NR5A1: variants seen among roughly 807,000 people sequenced by gnomAD.
NR5A1 encodes the protein nuclear receptor subfamily 5 group A member 1.
NR5A1 carries 6 observed loss-of-function variants against 42.7 expected under a neutral mutation model. The observed-to-expected ratio is 0.14, with a 90% CI of 0.08 to 0.28. NR5A1 has a LOEUF of 0.28. Among genes scored for constraint, NR5A1 ranks in the 10% least tolerant of loss-of-function variants. NR5A1 has a pLI of 1.00. For synonymous variants in NR5A1, 274 were observed against 277.5 expected (o/e 0.99, Z 0.12); for missense variants, 442 against 626.4 (o/e 0.71, Z 3.14).
In NR5A1 at chr9:124,496,741, T is replaced by C. The variant is rs1415121842; in HGVS notation, c.870+3349A>G. On this transcript the variant is annotated intron_variant, in intron 4 of 6. Coordinates refer to ENST00000373588, the MANE Select transcript of NR5A1 (RefSeq NM_004959.5). The surrounding 1 kb of genome is among the most constrained non-coding windows in gnomAD (Gnocchi z 5.0). ...TGCCGCTTAAATGAAACCGTCTATCTGGGCAGTTAAATCTGCTGTCAGTGG... is the reference window on the plus strand; with the variant it reads ...TGCCGCTTAAATGAAACCGTCTATCCGGGCAGTTAAATCTGCTGTCAGTGG... Among the ~76,000 whole-genome samples, 4 of 152,230 alleles carry C rather than the reference T, an allele frequency of 2.6e-5. No homozygotes were observed. The highest frequency in any genetic ancestry group is 9.6e-5 in the African/African-American group (4 of 41,458).
rs554388634 is a variant in NR5A1 at position 124,488,417 on chromosome 9, C to T, written c.1138+2664G>A. On this transcript the variant is annotated intron_variant, in intron 6 of 6. Transcript: ENST00000373588. Reference sequence around the variant, plus strand: ...CTGGCACCCCCAACCTCACCAGGTTCCTGGCCTGCTGGGCTCAGGGCTCAC... The same window carrying T: ...CTGGCACCCCCAACCTCACCAGGTTTCTGGCCTGCTGGGCTCAGGGCTCAC... Among the ~76,000 whole-genome samples, 9 of 152,290 alleles carry T rather than the reference C, an allele frequency of 5.9e-5. No homozygotes were observed. In the South Asian group the frequency reaches 1.7e-3, roughly 28 times the overall value.
chr9:124,487,481 T>C (rs1832234109), intron 6 of NR5A1, among the ~76,000 whole-genome samples: 1 of 152,250 alleles, frequency 6.6e-6, no homozygotes, highest in Non-Finnish European at 1.5e-5. Flanking sequence ...GGGCCCATCT[T>C]CATAAATACC....
intron 5 of NR5A1, among the ~76,000 whole-genome samples, chr9:124,491,491 C>T (rs1832309155): frequency 6.6e-6 from 1 of 152,176 alleles, no homozygotes; most frequent in Non-Finnish European, 1.5e-5. Context: ...CCGCGTCCAC[C>T]CCTCCTTCAC....
rs531097844 is a variant in NR5A1, at chr9:124,495,171, C to T, written c.871-2022G>A. On this transcript the variant is annotated intron_variant, in intron 4 of 6. Transcript: ENST00000373588. ...TCCCAGCAAAGCTTTCTTCCCAGAG[C>T]CCCTACCATCAGCCGTGTGCCCCCA... Among the ~76,000 whole-genome samples the T allele has an allele frequency of 6.6e-4, 100 of 152,356 alleles. 1 individual carries two copies. The highest frequency in any genetic ancestry group is 2.4e-3 in the African/African-American group (98 of 41,586).
At chr9:124,491,030 C>T in intron 6 of NR5A1, 51 bp downstream of exon 6, 5 of 1,181,496 alleles carry the variant, frequency 4.2e-6, no homozygotes, top group African/African-American at 1.6e-5. Context: ...CACCCTCCCA[C>T]CCACCCGCCT....
intron 6 of NR5A1, among the ~76,000 whole-genome samples, chr9:124,485,752 C>A (rs1341885243): frequency 1.3e-5 from 2 of 152,214 alleles, no homozygotes; most frequent in African/African-American, 4.8e-5. Flanking sequence ...AGCCCTACTC[C>A]CTAGCCTGGG....
chr9:124,495,650 A>G (rs986063509), intron 4 of NR5A1, among the ~76,000 whole-genome samples: 1 of 152,176 alleles, frequency 6.6e-6, no homozygotes, highest in African/African-American at 2.4e-5. Context: ...ACAGGAGCAG[A>G]CACGCTTGCG....
intron 6 of NR5A1, among the ~76,000 whole-genome samples, chr9:124,490,845 A>C (rs1832296426): frequency 6.6e-6 from 1 of 152,212 alleles, no homozygotes; most frequent in Non-Finnish European, 1.5e-5. Context: ...GCCTGGAATA[A>C]AAATCCTAAA....
At position 124,496,771 on chromosome 9, in the gene NR5A1, C is replaced by T. The variant is rs1832395866; in HGVS notation, c.870+3319G>A. Among the ~76,000 whole-genome samples the T allele has an allele frequency of 6.6e-6, 1 of 152,196 alleles. No individual in the cohort carries two copies. The highest frequency in any genetic ancestry group is 2.4e-5 in the African/African-American group (1 of 41,438). On this transcript the variant is annotated intron_variant, in intron 4 of 6. Transcript: ENST00000373588. The surrounding 1 kb of genome is among the most constrained non-coding windows in gnomAD (Gnocchi z 5.0). ...AGTTAAATCTGCTGTCAGTGGGGGC[C>T]TCGGAGCTGGATGTTGAGGGTGAAC... is the stretch of plus-strand genomic sequence containing the variant.
intron 3 of NR5A1, among the ~76,000 whole-genome samples, chr9:124,502,264 G>A (rs986820074): frequency 1.3e-5 from 2 of 152,178 alleles, no homozygotes; most frequent in Non-Finnish European, 2.9e-5. Context: ...GGAGGAAGGC[G>A]CTGCCGTTAA....
chr9:124,503,017 C>A lies in NR5A1; in HGVS notation c.244+62G>T. 2 of 1,527,788 alleles carry A rather than the reference C, an allele frequency of 1.3e-6. No individual in the cohort carries two copies. The highest frequency in any genetic ancestry group is 2.4e-5 in the South Asian group (2 of 83,160). 94.6% of individuals were successfully genotyped at this position (1,527,788 alleles called of 1,614,324 possible). On this transcript the variant is annotated intron_variant, in intron 3 of 6. Transcript: ENST00000373588. The surrounding 1 kb of genome is among the most constrained non-coding windows in gnomAD (Gnocchi z 9.6). ...TACTATCCCCTCAGCCCCTCTCCCA[C>A]CCCCACCCCCTACCCCCTCAGGCTG...
Position 124,501,815 on chromosome 9 carries a change from G to A in NR5A1, c.245-1100C>T, listed in dbSNP as rs980406456. ...GTCCACCACTCTCAGAGCCACCTGG[G>A]GCTTTCTACACTGTTCCAAGACCTT... On this transcript the variant is annotated intron_variant, in intron 3 of 6. Transcript: ENST00000373588. The surrounding 1 kb of genome is among the most constrained non-coding windows in gnomAD (Gnocchi z 4.1). Among the ~76,000 whole-genome samples, 3 of 152,170 alleles carry A rather than the reference G, an allele frequency of 2.0e-5. No individual in the cohort carries two copies. Among genetic ancestry groups the A allele is most frequent in the Non-Finnish European group, 2.9e-5 (2 of 68,038 alleles).
chr9:124,492,247 C>T (rs556521052), intron 5 of NR5A1, among the ~76,000 whole-genome samples: 2 of 150,960 alleles, frequency 1.3e-5, no homozygotes, highest in Non-Finnish European at 3.0e-5. Context: ...GCCTCCCCCC[C>T]TCCCTCTCTT....
intron 1 of NR5A1, among the ~76,000 whole-genome samples, chr9:124,505,253 T>C (rs1199666640): frequency 6.6e-6 from 1 of 152,120 alleles, no homozygotes; most frequent in Non-Finnish European, 1.5e-5. Flanking sequence ...CCGCCTGCAG[T>C]GGGAGGAGGC....
At chr9:124,492,467 C>T (rs371940397) in intron 5 of NR5A1, among the ~76,000 whole-genome samples, 4 of 152,224 alleles carry the variant, frequency 2.6e-5, no homozygotes, top group African/African-American at 9.6e-5. Context: ...CTAAGGGGGC[C>T]CAAATTCCGA....
rs1832459919 is a variant in NR5A1, at chr9:124,500,776, C to A, written c.245-61G>T. ...CTAAGCCCCCTTCCATGCTGCCCCA[C>A]CACAGATCCTTTCCAAACAAATCTG... is the stretch of plus-strand genomic sequence containing the variant. On this transcript the variant is annotated intron_variant, in intron 3 of 6. Transcript: ENST00000373588. This position sits in a 1 kb window ranked among gnomAD's most constrained non-coding sequence, Gnocchi z 6.9. 2 of 1,610,464 alleles carry A rather than the reference C, an allele frequency of 1.2e-6. No homozygotes were observed.
At chr9:124,504,824 G>A (rs944026185) in intron 1 of NR5A1, among the ~76,000 whole-genome samples, 1 of 146,452 alleles carries the variant, frequency 6.8e-6, no homozygotes, top group African/African-American at 2.4e-5. Flanking sequence ...CGGGGACGGG[G>A]AGGCGGGGGC....
chr9:124,489,536 G>A (rs1483672386), intron 6 of NR5A1, among the ~76,000 whole-genome samples: 1 of 152,238 alleles, frequency 6.6e-6, no homozygotes, highest in Non-Finnish European at 1.5e-5. Flanking sequence ...AATTCCTGCA[G>A]GCTCCACGCC....
At position 124,503,185 on chromosome 9, in the gene NR5A1, G is replaced by A; in HGVS notation, c.138C>T (p.His46=). The change falls in exon 3 of 7, where the codon CAC becomes CAT. Residue 46 remains histidine (H), a synonymous_variant. Transcript: ENST00000373588. This position sits in a 1 kb window ranked among gnomAD's most constrained non-coding sequence, Gnocchi z 9.6. The stretch of plus-strand genomic sequence containing the variant: ...AGCTCTGGCTCTCGGTGCACGTGTA[G>A]TGCTTGTTGTTCTGCACCGTGCGCT... The part of the protein sequence containing the change: ...FFKRTVQNNK[H]YTCTESQSCK... 2 of 1,603,574 alleles carry A rather than the reference G, an allele frequency of 1.2e-6. No homozygotes were observed. Among genetic ancestry groups the A allele is most frequent in the Non-Finnish European group, 1.7e-6 (2 of 1,175,982 alleles).
Sources: allele counts gnomAD v4.1 joint callset (sites outside exome capture counted in the v4.1 genomes callset), GRCh38; gene constraint gnomAD v4.1.1; non-coding constraint Gnocchi (gnomAD v3.1); transcripts MANE v1.5; gene names NCBI Gene and HGNC (gene_info 2026-07-23, HGNC 2026-07-21).